PKHD1L1: variants seen among roughly 807,000 people sequenced by gnomAD.
The protein encoded by PKHD1L1 is fibrocystin-L.
In PKHD1L1, 434 loss-of-function variants were observed where a neutral mutation model predicts 462.9. The observed-to-expected ratio is 0.94, with a 90% CI of 0.87 to 1.02. PKHD1L1 has a LOEUF of 1.02. Ranked by LOEUF, PKHD1L1 falls within the 50% of genes least tolerant of loss-of-function variation. The probability of loss-of-function intolerance (pLI) is 0.00; values close to 1 mark genes in which losing one functional copy is unlikely to be tolerated. For missense variants in PKHD1L1, 5,202 were observed against 5,096.1 expected (o/e 1.02, Z -0.63); for synonymous variants, 1,781 against 1,750.0 (o/e 1.02, Z -0.44).
Position 109,475,847 on chromosome 8 carries a change from C to CAAAA in PKHD1L1, c.8757+591_8757+594dup, listed in dbSNP as rs35419700. 1.8e-3 allele frequency among the ~76,000 whole-genome samples: 172 copies of CAAAA among 95,256 alleles called. 4 individuals are homozygous for CAAAA. The highest frequency in any genetic ancestry group is 6.4e-3 in the African/African-American group (163 of 25,438). The allele number at this position is 95,256 out of a possible 152,430, so 62.5% of individuals were successfully genotyped here. ...TGGGCGACAGAGGGAGACTCCATCTCAAAAAAAAAAAAAAAAGCCACTACC... is the reference window on the plus strand; with the variant it reads ...TGGGCGACAGAGGGAGACTCCATCTCAAAAAAAAAAAAAAAAAAAAGCCACTACC... On this transcript the variant is annotated intron_variant, in intron 51 of 77. Coordinates refer to ENST00000378402, the MANE Select transcript of PKHD1L1 (RefSeq NM_177531.6).
intron 67 of PKHD1L1, chr8:109,499,372 A>T (rs534930069): frequency 6.6e-6 from 1 of 152,304 alleles, no homozygotes. Context: ...GTCTCTGAAG[A>T]AAGTAGTTCA....
chr8:109,459,098 T>C (rs1816971730), intron 46 of PKHD1L1, among the ~76,000 whole-genome samples: 1 of 152,152 alleles, frequency 6.6e-6, no homozygotes. Context: ...GTTCTCAACT[T>C]GTGCATGACT....
chr8:109,482,635 T>C (rs2607635), intron 56 of PKHD1L1, among the ~76,000 whole-genome samples: 13,482 of 150,256 alleles, frequency 0.09, 912 homozygotes, highest in East Asian at 0.31. Context: ...GATAAAACTC[T>C]TTTTTATAGC....
intron 45 of PKHD1L1, 31 bp downstream of exon 45, chr8:109,454,883 T>A (rs1161639720): frequency 6.3e-7 from 1 of 1,593,726 alleles, no homozygotes; most frequent in East Asian, 2.2e-5. Context: ...AGGGAGTTGG[T>A]AGAGGAAGAC....
intron 34 of PKHD1L1, among the ~76,000 whole-genome samples, 195 bp from the exon 35 acceptor site, chr8:109,441,812 T>A (rs1815809005): frequency 6.6e-6 from 1 of 152,180 alleles, no homozygotes; most frequent in Non-Finnish European, 1.5e-5. Flanking sequence ...ACTTAATTTT[T>A]CTTATCTTCT....
chr8:109,469,157 G>A (rs976735220), intron 50 of PKHD1L1, among the ~76,000 whole-genome samples: 2 of 152,002 alleles, frequency 1.3e-5, no homozygotes, highest in African/African-American at 2.4e-5. Flanking sequence ...TTTAGATTCC[G>A]TTATTCTTAC....
intron 21 of PKHD1L1, among the ~76,000 whole-genome samples, chr8:109,418,389 C>G (rs760618405): frequency 6.6e-6 from 1 of 152,132 alleles, no homozygotes; most frequent in Non-Finnish European, 1.5e-5. Context: ...GGTACCCAAA[C>G]AAACTAGTCA....
At chr8:109,502,975 A>G (rs560149165) in intron 67 of PKHD1L1, among the ~76,000 whole-genome samples, 1 of 152,316 alleles carries the variant, frequency 6.6e-6, no homozygotes, top group East Asian at 1.9e-4. Context: ...CTCTCAGGTG[A>G]GGGAACTCTC....
intron 45 of PKHD1L1, among the ~76,000 whole-genome samples, 198 bp from the exon 46 acceptor site, chr8:109,456,064 C>T (rs1208681011): frequency 6.6e-6 from 1 of 152,146 alleles, no homozygotes; most frequent in Non-Finnish European, 1.5e-5. Flanking sequence ...TAGTCATATA[C>T]ATGTCATTAC....
intron 76 of PKHD1L1, among the ~76,000 whole-genome samples, chr8:109,524,064 C>T (rs1820697456): frequency 6.6e-6 from 1 of 152,106 alleles, no homozygotes; most frequent in African/African-American, 2.4e-5. Flanking sequence ...AACCATTCTA[C>T]CAGGGTCCAG....
chr8:109,369,624 AATAT>A (rs35538975), intron 2 of PKHD1L1, among the ~76,000 whole-genome samples: 2 of 149,078 alleles, frequency 1.3e-5, no homozygotes, highest in Admixed American at 1.3e-4. Flanking sequence ...CTGATAGGAA[AATAT>A]ATATATATAT....
intron 35 of PKHD1L1, among the ~76,000 whole-genome samples, 198 bp downstream of exon 35, chr8:109,442,393 C>T (rs1307352461): frequency 1.3e-5 from 2 of 152,050 alleles, no homozygotes; most frequent in African/African-American, 4.8e-5. Context: ...CAAGTGTGTT[C>T]TGATATTAGA....
rs1821114709 is a variant in PKHD1L1 at position 109,534,907 on chromosome 8, G to GT, written c.*4817_*4818insT. Reference sequence around the variant, plus strand: ...CACCCATGAATGTGACTTTATTAGAGGTTTTTTTTTTAGGTTAAGGACTAT... The same window carrying GT: ...CACCCATGAATGTGACTTTATTAGAGTGTTTTTTTTTTAGGTTAAGGACTAT... On this transcript the variant is annotated 3_prime_UTR_variant, in exon 78 of 78. Coordinates refer to ENST00000378402, the MANE Select transcript of PKHD1L1 (RefSeq NM_177531.6). 1.6e-5 allele frequency among the ~76,000 whole-genome samples: 1 copy of GT among 60,632 alleles called. No homozygotes were observed. Among genetic ancestry groups the GT allele is most frequent in the Non-Finnish European group, 4.8e-5 (1 of 20,876 alleles). 39.8% of individuals were successfully genotyped at this position (60,632 alleles called of 152,430 possible). A position where few individuals can be genotyped will look rare whatever the true frequency, so the allele number is the denominator to read the frequency against.
intron 57 of PKHD1L1, 75 bp downstream of exon 57, chr8:109,483,180 C>A (rs1818356545): frequency 3.1e-6 from 3 of 967,668 alleles, no homozygotes; most frequent in Admixed American, 3.8e-5. Flanking sequence ...ATTCTACTCT[C>A]ATGGGCATTC....
intron 68 of PKHD1L1, among the ~76,000 whole-genome samples, chr8:109,504,987 C>T (rs141769316): frequency 6.6e-6 from 1 of 152,230 alleles, no homozygotes; most frequent in African/African-American, 2.4e-5. Flanking sequence ...AATACTTCCA[C>T]CTCAGCCTCC....
intron 10 of PKHD1L1, among the ~76,000 whole-genome samples, 185 bp from the exon 11 acceptor site, chr8:109,395,842 C>G (rs1295632468): frequency 1.3e-5 from 2 of 152,244 alleles, no homozygotes; most frequent in East Asian, 3.9e-4. Flanking sequence ...TCTGTCAATG[C>G]CATGTCTATT....
chr8:109,398,558 C>T lies in PKHD1L1; in HGVS notation c.1012+10C>T, dbSNP rs373345550. On this transcript the variant is annotated intron_variant, in intron 12 of 77. Transcript: ENST00000378402. ...AAAACTGTATATCCAGGTAAGTTACCATAAGGGACAATGGCCATTTCTATA... is the reference window on the plus strand; with the variant it reads ...AAAACTGTATATCCAGGTAAGTTACTATAAGGGACAATGGCCATTTCTATA... 66 of 1,436,040 alleles carry T rather than the reference C, an allele frequency of 4.6e-5. No individual in the cohort carries two copies. In the African/African-American group the frequency reaches 8.4e-4, roughly 18 times the overall value. The allele number at this position is 1,436,040 out of a possible 1,614,324, so 89.0% of individuals were successfully genotyped here.
At chr8:109,412,196 G>T in intron 19 of PKHD1L1, 69 bp from the exon 20 acceptor site, 1 of 1,541,278 alleles carries the variant, frequency 6.5e-7, no homozygotes, top group Non-Finnish European at 8.9e-7. Flanking sequence ...GAGTGGTTTG[G>T]GTGCACACGT....
At chr8:109,486,855 G>C in intron 59 of PKHD1L1, 34 bp downstream of exon 59, 7 of 1,577,998 alleles carry the variant, frequency 4.4e-6, no homozygotes, top group Non-Finnish European at 6.1e-6. Flanking sequence ...TTCTAAATGA[G>C]CTATAACATT....
Sources: gnomAD v4.1 joint callset for allele counts (sites outside exome capture counted in the v4.1 genomes callset) on GRCh38, gnomAD v4.1.1 for gene constraint, MANE v1.5 for transcripts, NCBI Gene and HGNC (gene_info 2026-07-23, HGNC 2026-07-21) for gene names.